SGCZ: variants seen among roughly 807,000 people sequenced by gnomAD.
SGCZ encodes the protein zeta-sarcoglycan.
Under a neutral mutation model 41.3 loss-of-function variants are expected in SGCZ, and 40 were observed. The observed-to-expected ratio is 0.97, with a 90% confidence interval of 0.75 to 1.26. The LOEUF (loss-of-function observed/expected upper bound fraction) is 1.26. Among genes scored for constraint, SGCZ ranks in the 50% most tolerant of loss-of-function variants. SGCZ has a pLI of 0.00. For synonymous variants in SGCZ, 206 were observed against 137.5 expected, an observed-to-expected ratio of 1.50 and a Z score of -3.49; for missense variants, 552 against 369.8, an observed-to-expected ratio of 1.49 and a Z score of -4.04.
chr8:14,523,811 T>A (rs1423644771), intron 2 of SGCZ, among the ~76,000 whole-genome samples: 1 of 152,152 alleles, frequency 6.6e-6, no homozygotes, highest in South Asian at 2.1e-4. Context: ...TAAAAACTAG[T>A]GATGATACGA....
chr8:14,360,646 A>AT (rs573223298), intron 2 of SGCZ, among the ~76,000 whole-genome samples: 16 of 148,574 alleles, frequency 1.1e-4, no homozygotes, highest in Admixed American at 2.0e-4. Context: ...TTATTTATTT[A>AT]TTTTTTATCG....
chr8:14,629,753 G>T (rs1585138219), intron 1 of SGCZ, among the ~76,000 whole-genome samples: 1 of 151,996 alleles, frequency 6.6e-6, no homozygotes, highest in Admixed American at 6.6e-5. Context: ...GAAATCTATG[G>T]GTTTATGAGC....
intron 2 of SGCZ, among the ~76,000 whole-genome samples, chr8:14,504,458 C>A (rs958359122): frequency 6.6e-6 from 1 of 152,166 alleles, no homozygotes; most frequent in African/African-American, 2.4e-5. Flanking sequence ...CCTAGATATG[C>A]ATTAGTATCA....
At chr8:14,235,140 C>G (rs1393516997) in intron 4 of SGCZ, among the ~76,000 whole-genome samples, 2 of 152,216 alleles carry the variant, frequency 1.3e-5, no homozygotes, top group Middle Eastern at 3.4e-3. Context: ...AACGGAGTGT[C>G]CAAAAGATTA....
chr8:14,635,761 C>A (rs1020996358), intron 1 of SGCZ, among the ~76,000 whole-genome samples: 5 of 151,776 alleles, frequency 3.3e-5, no homozygotes, highest in Non-Finnish European at 5.9e-5. Flanking sequence ...TTCAGGCATG[C>A]ACAGAGGGTC....
At chr8:14,393,167 C>T (rs893519614) in intron 2 of SGCZ, among the ~76,000 whole-genome samples, 36 of 152,062 alleles carry the variant, frequency 2.4e-4, no homozygotes, top group Middle Eastern at 3.4e-3. Flanking sequence ...TAAAGTAGTG[C>T]GATATTGATA....
intron 5 of SGCZ, among the ~76,000 whole-genome samples, chr8:14,114,379 A>T (rs1477354941): frequency 6.6e-6 from 1 of 151,928 alleles, no homozygotes; most frequent in Non-Finnish European, 1.5e-5. Flanking sequence ...AGCCAAAGTG[A>T]TTTTTTTCTA....
chr8:14,944,747 G>A (rs137855271), intron 1 of SGCZ, among the ~76,000 whole-genome samples: 2 of 152,228 alleles, frequency 1.3e-5, no homozygotes, highest in East Asian at 1.9e-4. Flanking sequence ...ATCTGAAAGT[G>A]CGTCCCTTTT....
intron 1 of SGCZ, among the ~76,000 whole-genome samples, chr8:15,010,664 G>C (rs1304600391): frequency 1.3e-5 from 2 of 152,156 alleles, no homozygotes; most frequent in African/African-American, 2.4e-5. Flanking sequence ...TGTACTGTCA[G>C]TACAGGAAGC....
chr8:14,412,916 G>A (rs1273242118), intron 2 of SGCZ, among the ~76,000 whole-genome samples: 2 of 151,894 alleles, frequency 1.3e-5, no homozygotes, highest in Non-Finnish European at 2.9e-5. Context: ...TATTCAAGTA[G>A]CATTTAAATA....
chr8:14,223,695 C>G (rs1041554665), intron 4 of SGCZ, among the ~76,000 whole-genome samples: 1 of 152,088 alleles, frequency 6.6e-6, no homozygotes, highest in African/African-American at 2.4e-5. Flanking sequence ...TGCCATGACC[C>G]ACGGAACCAC....
rs571006171 is a variant in SGCZ at position 15,236,367 on chromosome 8, G to T, written c.39+1218C>A. 1.2e-4 allele frequency among the ~76,000 whole-genome samples: 18 copies of T among 152,078 alleles called. No homozygotes were observed. In the South Asian group the frequency reaches 3.3e-3, roughly 28 times the overall value. ...AGCTCTGCAGGGGATTTTGCAGCCT[G>T]CCTAGCTTGTCGGATAAACCCATTT... On this transcript the variant is annotated intron_variant, in intron 1 of 7. Transcript: ENST00000382080.
At chr8:14,845,123 A>C (rs970805778) in intron 1 of SGCZ, among the ~76,000 whole-genome samples, 1 of 152,192 alleles carries the variant, frequency 6.6e-6, no homozygotes, top group Non-Finnish European at 1.5e-5. Flanking sequence ...AAGGACAGGG[A>C]AAGAACACCT....
intron 3 of SGCZ, among the ~76,000 whole-genome samples, chr8:14,257,221 G>C (rs745610939): frequency 2.3e-4 from 35 of 151,874 alleles, no homozygotes; most frequent in Non-Finnish European, 3.8e-4. Flanking sequence ...CACCTACTTG[G>C]GAGGCTGAGA....
At chr8:14,811,466 G>C (rs1207116471) in intron 1 of SGCZ, among the ~76,000 whole-genome samples, 1 of 135,586 alleles carries the variant, frequency 7.4e-6, no homozygotes, top group Non-Finnish European at 1.6e-5. Context: ...GAGATCGTCA[G>C]AGATACTAAG....
intron 1 of SGCZ, among the ~76,000 whole-genome samples, chr8:14,774,629 C>A (rs1245649923): frequency 6.6e-6 from 1 of 152,128 alleles, no homozygotes; most frequent in Admixed American, 6.6e-5. Context: ...ATTCTTTCCC[C>A]TTCTAAGTCC....
At chr8:14,294,119 A>C (rs1403723062) in intron 3 of SGCZ, among the ~76,000 whole-genome samples, 2 of 152,008 alleles carry the variant, frequency 1.3e-5, no homozygotes, top group East Asian at 1.9e-4. Flanking sequence ...CATTACGCGT[A>C]ATTTTGTGAT....
chr8:14,377,844 A>G (rs1437245956), intron 2 of SGCZ, among the ~76,000 whole-genome samples: 1 of 151,778 alleles, frequency 6.6e-6, no homozygotes, highest in Non-Finnish European at 1.5e-5. Context: ...CCATGTCCCT[A>G]CAAAGGACAT....
intron 2 of SGCZ, among the ~76,000 whole-genome samples, chr8:14,410,409 A>AAAAAAAAC (rs1799327885): frequency 6.6e-6 from 1 of 151,938 alleles, no homozygotes; most frequent in Admixed American, 6.6e-5. Context: ...AGAAAAAAAA[A>AAAAAAAAC]AACAGAAAAG....
Sources: gnomAD v4.1 joint callset for allele counts (sites outside exome capture counted in the v4.1 genomes callset) on GRCh38, gnomAD v4.1.1 for gene constraint, MANE v1.5 for transcripts, NCBI Gene and HGNC (gene_info 2026-07-23, HGNC 2026-07-21) for gene names.